PDCD11: variants seen among roughly 807,000 people sequenced by gnomAD.
PDCD11 encodes programmed cell death 11.
A neutral mutation model predicts 198.9 loss-of-function variants in PDCD11; 97 were observed. That is an observed-to-expected ratio of 0.49 (90% CI 0.41 to 0.58). PDCD11 has a LOEUF of 0.58. PDCD11 is among the 20% of genes least tolerant of loss of function. PDCD11 has a pLI of 0.00. For missense variants in PDCD11, 2,102 were observed against 2,312.7 expected, an observed-to-expected ratio of 0.91 and a Z score of 1.87; for synonymous variants, 893 against 918.0, an observed-to-expected ratio of 0.97 and a Z score of 0.49.
At chr10:103,433,352 C>T (rs912925506) in intron 22 of PDCD11, among the ~76,000 whole-genome samples, 11 of 152,024 alleles carry the variant, frequency 7.2e-5, no homozygotes, top group Admixed American at 2.0e-4. Flanking sequence ...AAAATTTAGC[C>T]GGGCCTGGGG....
At position 103,400,400 on chromosome 10, in the gene PDCD11, T is replaced by A; in HGVS notation, c.106T>A (p.Ser36Thr). The part of the protein sequence containing the change: ...SVEQDNLFDI[S>T]TEEGSTKRKK... ...GGCTCCCCCTACCCGCTTCTAGATT[T>A]CTACTGAAGAGGGATCCACCAAAAG... is the stretch of plus-strand genomic sequence containing the variant. Residue 36 changes from serine to threonine, a missense_variant, in exon 3 of 36, where the codon TCT (serine) becomes ACT (threonine). By Grantham distance (58) the Ser-to-Thr change is moderately conservative. Transcript: ENST00000369797. 6.2e-7 allele frequency: 1 copy of A among 1,609,558 alleles called. No homozygotes were observed. Among genetic ancestry groups the A allele is most frequent in the Non-Finnish European group, 8.5e-7 (1 of 1,179,014 alleles).
intron 11 of PDCD11, 56 bp downstream of exon 11, chr10:103,414,386 C>T (rs942045323): frequency 7.8e-7 from 1 of 1,275,506 alleles, no homozygotes; most frequent in African/African-American, 1.5e-5. Flanking sequence ...TTCTTTAGTT[C>T]ACGCACAGGT....
chr10:103,443,201 G>C lies in PDCD11; in HGVS notation c.4992G>C (p.Leu1664=). ...AGAAGCTGAACGTGTGGGTGGCTCTGCTGAACCTGGAGAACATGTACGGCT... is the reference window on the plus strand; with the variant it reads ...AGAAGCTGAACGTGTGGGTGGCTCTCCTGAACCTGGAGAACATGTACGGCT... The part of the protein sequence containing the change: ...EQEKLNVWVA[L]LNLENMYGSQ... Residue 1664 remains leucine (L), a synonymous_variant, in exon 33 of 36, where the codon CTG becomes CTC. Coordinates refer to ENST00000369797, the MANE Select transcript of PDCD11 (RefSeq NM_014976.2). 6.2e-7 allele frequency: 1 copy of C among 1,605,198 alleles called. No individual in the cohort carries two copies. Among genetic ancestry groups the C allele is most frequent in the Non-Finnish European group, 8.5e-7 (1 of 1,173,364 alleles).
chr10:103,408,109 T>A (rs1272805795), intron 7 of PDCD11, among the ~76,000 whole-genome samples: 1 of 152,206 alleles, frequency 6.6e-6, no homozygotes, highest in Non-Finnish European at 1.5e-5. Flanking sequence ...CAGTATTTTT[T>A]CCTATACCTT....
chr10:103,424,910 C>A, intron 19 of PDCD11, 74 bp from the exon 20 acceptor site: 2 of 1,542,534 alleles, frequency 1.3e-6, no homozygotes, highest in South Asian at 1.2e-5. Flanking sequence ...CAGCCACACC[C>A]TGCCCAGTGG....
At chr10:103,435,595 A>C (rs1278753138) in intron 25 of PDCD11, among the ~76,000 whole-genome samples, 2 of 151,908 alleles carry the variant, frequency 1.3e-5, no homozygotes, top group Admixed American at 6.6e-5. Context: ...AGCTCACTGC[A>C]GTCTCCTCCC....
In PDCD11 at chr10:103,401,593, A is replaced by G. The variant is rs532772139; in HGVS notation, c.234+1065A>G. On this transcript the variant is annotated intron_variant, in intron 3 of 35. Transcript: ENST00000369797. ...CTGCCTTACATTTTTAGATGATAAC[A>G]CCAATATGTGTTAGTTATAAAAAAG... Among the ~76,000 whole-genome samples, 9 of 152,246 alleles carry G rather than the reference A, an allele frequency of 5.9e-5. No individual in the cohort carries two copies. In the East Asian group the frequency reaches 1.5e-3, roughly 26 times the overall value.
rs1231935915 is a variant in PDCD11, at chr10:103,441,873, A to G, written c.4605A>G (p.Ser1535=). 1.2e-6 allele frequency: 2 copies of G among 1,614,088 alleles called. No homozygotes were observed. The highest frequency in any genetic ancestry group is 2.7e-5 in the African/African-American group (2 of 74,932). The change falls in exon 31 of 36, where the codon TCA becomes TCG. Residue 1535 remains serine (S), a synonymous_variant. Coordinates refer to ENST00000369797, the MANE Select transcript of PDCD11 (RefSeq NM_014976.2). ...AAGCGCCCCGGCTGCAGCTGTCTTC[A>G]GGCTTCGCTTGGAATGTGGGACTAG... ...PAEAPRLQLS[S]GFAWNVGLDS... is the part of the protein sequence containing the mutation.
At chr10:103,406,823 TA>T in intron 7 of PDCD11, 33 bp downstream of exon 7, 1 of 1,509,032 alleles carries the variant, frequency 6.6e-7, no homozygotes, top group Non-Finnish European at 9.0e-7. Context: ...CTTTTTAAAA[TA>T]AAAATAATTC....
intron 16 of PDCD11, among the ~76,000 whole-genome samples, chr10:103,420,051 G>T (rs2031339551): frequency 6.6e-6 from 1 of 150,594 alleles, no homozygotes; most frequent in Admixed American, 6.7e-5. Context: ...ACCTGCCTCG[G>T]CCTCCCAAAG....
At chr10:103,442,621 C>G (rs2032439641) in intron 32 of PDCD11, among the ~76,000 whole-genome samples, 161 bp downstream of exon 32, 1 of 152,230 alleles carries the variant, frequency 6.6e-6, no homozygotes, top group Admixed American at 6.5e-5. Flanking sequence ...CTGCGGCCAT[C>G]TGTGAAATAG....
At chr10:103,397,764 T>A (rs891614297) in intron 1 of PDCD11, among the ~76,000 whole-genome samples, 4 of 152,248 alleles carry the variant, frequency 2.6e-5, no homozygotes, top group Admixed American at 2.0e-4. Flanking sequence ...ATTTTTATGC[T>A]TTAATCTCCC....
intron 16 of PDCD11, among the ~76,000 whole-genome samples, chr10:103,420,598 C>T (rs929449358): frequency 1.8e-4 from 27 of 152,190 alleles, no homozygotes; most frequent in African/African-American, 6.3e-4. Context: ...CTGATTGCTG[C>T]TGCAGATCAT....
chr10:103,419,535 T>A lies in PDCD11; in HGVS notation c.2107-3T>A. ...GGAACATTCCTTGATGAAGTACCAC[T>A]AGCTTCTTTGCAGGAAGCCAGCCTT... is the stretch of plus-strand genomic sequence containing the variant. On this transcript the variant is annotated splice_polypyrimidine_tract_variant and splice_region_variant and intron_variant, in intron 15 of 35. Transcript: ENST00000369797. 1 of 1,612,934 alleles carries A rather than the reference T, an allele frequency of 6.2e-7. No individual in the cohort carries two copies. Among genetic ancestry groups the A allele is most frequent in the Non-Finnish European group, 8.5e-7 (1 of 1,179,464 alleles).
In PDCD11 at chr10:103,445,657, C is replaced by CAGAAAAAGCAGCA; in HGVS notation, c.*108_*109insAGAAAAAGCAGCA. 1.2e-6 allele frequency: 1 copy of CAGAAAAAGCAGCA among 850,258 alleles called. No individual in the cohort carries two copies. Among genetic ancestry groups the CAGAAAAAGCAGCA allele is most frequent in the Non-Finnish European group, 1.8e-6 (1 of 553,258 alleles). 52.7% of individuals were successfully genotyped at this position (850,258 alleles called of 1,614,324 possible). ...ACCTCAGGACTCTATTTAAATGCTG[C>CAGAAAAAGCAGCA]TTTTTCTGCAGCACGCTTGGGGAAA... is the stretch of plus-strand genomic sequence containing the variant. On this transcript the variant is annotated 3_prime_UTR_variant, in exon 36 of 36. Coordinates refer to ENST00000369797, the MANE Select transcript of PDCD11 (RefSeq NM_014976.2).
chr10:103,415,217 T>C (rs2133699370), intron 12 of PDCD11, 66 bp downstream of exon 12: 2 of 1,523,806 alleles, frequency 1.3e-6, no homozygotes, highest in South Asian at 2.3e-5. Flanking sequence ...TCAACTGAAG[T>C]TTCTGCCTTT....
In PDCD11 at chr10:103,440,365, T is replaced by C. The variant is rs1182959733; in HGVS notation, c.4224T>C (p.Ala1408=). 2 of 1,614,178 alleles carry C rather than the reference T, an allele frequency of 1.2e-6. No individual in the cohort carries two copies. The highest frequency in any genetic ancestry group is 1.7e-6 in the Non-Finnish European group (2 of 1,180,028). Residue 1408 remains alanine, a synonymous_variant, in exon 29 of 36, where the codon GCT becomes GCC. Transcript: ENST00000369797. ...CTGGGAAGCCAGACGTGCTTTCTGC[T>C]TCCTTGGAAGGGCAACTTACAAAGC... ...GDTGKPDVLS[A]SLEGQLTKQE...
At chr10:103,400,676 T>C (rs1226869333) in intron 3 of PDCD11, 148 bp downstream of exon 3, 2 of 741,862 alleles carry the variant, frequency 2.7e-6, no homozygotes, top group Non-Finnish European at 4.3e-6. Context: ...TAGAGATGCT[T>C]GGAATTTATG....
At chr10:103,425,566 G>C (rs2031659989) in intron 20 of PDCD11, 41 bp downstream of exon 20, 3 of 1,548,800 alleles carry the variant, frequency 1.9e-6, no homozygotes, top group Non-Finnish European at 2.6e-6. Flanking sequence ...GAGGGAGATT[G>C]TTGTTGTTGT....
Sources: allele counts gnomAD v4.1 joint callset (sites outside exome capture counted in the v4.1 genomes callset), GRCh38; gene constraint gnomAD v4.1.1; transcripts MANE v1.5; gene names NCBI Gene and HGNC (gene_info 2026-07-23, HGNC 2026-07-21).